Variants in CPS1 observed in about 807,000 individuals in gnomAD.
The protein encoded by CPS1 is carbamoyl-phosphate synthase [ammonia], mitochondrial.
CPS1 carries 109 observed loss-of-function variants against 174.6 expected under a neutral mutation model. The observed-to-expected ratio is 0.62, with a 90% CI of 0.53 to 0.73. CPS1 has a LOEUF of 0.73. CPS1 is among the 30% of genes least tolerant of loss of function. The pLI is 0.00. For missense variants in CPS1, 1,689 were observed against 1,821.9 expected (o/e 0.93, Z 1.33); for synonymous variants, 637 against 632.0 (o/e 1.01, Z -0.12).
intron 1 of CPS1, among the ~76,000 whole-genome samples, chr2:210,487,697 T>C (rs1212572837): frequency 6.9e-6 from 1 of 145,788 alleles, no homozygotes; most frequent in African/African-American, 2.5e-5. Flanking sequence ...TGCTTTTTTT[T>C]TTAAAGCGAA....
intron 18 of CPS1, 108 bp from the exon 19 acceptor site, chr2:210,608,253 C>T (rs1474222112): frequency 5.0e-6 from 5 of 991,558 alleles, no homozygotes; most frequent in Admixed American, 1.9e-5. Flanking sequence ...GTGTCTTATA[C>T]CCTGAAGTAG....
chr2:210,648,485 G>C lies in CPS1; in HGVS notation c.3349G>C (p.Glu1117Gln). The change falls in exon 27 of 38, where the codon GAA becomes CAA. Residue 1117 changes from glutamate to glutamine, a missense_variant. Transcript: ENST00000233072. ...KAVNTLNEALEFAKSVDYPCL... is the reference protein window; with the variant it reads ...KAVNTLNEALQFAKSVDYPCL... Reference sequence around the variant, plus strand: ...TTCTATTAATTAGAATGAAGCACTGGAATTTGCAAAGTCTGTGGACTACCC... The same window carrying C: ...TTCTATTAATTAGAATGAAGCACTGCAATTTGCAAAGTCTGTGGACTACCC... 1.2e-6 allele frequency: 2 copies of C among 1,613,154 alleles called. No homozygotes were observed. The highest frequency in any genetic ancestry group is 1.7e-6 in the Non-Finnish European group (2 of 1,179,390).
chr2:210,486,145 CA>C (rs1559731062), intron 1 of CPS1, among the ~76,000 whole-genome samples: 196 of 129,472 alleles, frequency 1.5e-3, no homozygotes, highest in African/African-American at 5.6e-3. Context: ...CACACACACA[CA>C]CACACACACA....
intron 1 of CPS1, among the ~76,000 whole-genome samples, chr2:210,509,464 C>T (rs952043494): frequency 6.6e-6 from 1 of 152,142 alleles, no homozygotes; most frequent in African/African-American, 2.4e-5. Context: ...CCTTTGAAAA[C>T]TGGCACATGA....
At chr2:210,483,139 C>T (rs2105942483) in intron 1 of CPS1, among the ~76,000 whole-genome samples, 1 of 152,226 alleles carries the variant, frequency 6.6e-6, no homozygotes, top group South Asian at 2.1e-4. Flanking sequence ...TAATAAAGAT[C>T]TATACCTTTA....
Position 210,590,222 on chromosome 2 carries a change from G to A in CPS1, c.828G>A (p.Gln276=). 6.2e-7 allele frequency: 1 copy of A among 1,612,734 alleles called. No homozygotes were observed. The highest frequency in any genetic ancestry group is 8.5e-7 in the Non-Finnish European group (1 of 1,179,050). The change falls in exon 8 of 38, where the codon CAG becomes CAA. Residue 276 remains glutamine (Q), a synonymous_variant. Coordinates refer to ENST00000233072, the MANE Select transcript of CPS1 (RefSeq NM_001875.5). ...CAGCTCTTGCAGAACCACTAATTCA[G>A]AATGTCAGAAAGGTGCAATGAACCT... ...GNPALAEPLI[Q]NVRKILESDR...
intron 1 of CPS1, among the ~76,000 whole-genome samples, chr2:210,492,828 T>C (rs1694905295): frequency 6.6e-6 from 1 of 151,662 alleles, no homozygotes; most frequent in Non-Finnish European, 1.5e-5. Flanking sequence ...AGAAAACATA[T>C]CACATTGAAA....
At chr2:210,528,790 A>G (rs1194557156) in intron 1 of CPS1, among the ~76,000 whole-genome samples, 2 of 149,654 alleles carry the variant, frequency 1.3e-5, no homozygotes, top group African/African-American at 4.9e-5. Context: ...AATAGAGTAC[A>G]GTTAGTACTA....
At chr2:210,661,663 C>T (rs574635005) in intron 32 of CPS1, among the ~76,000 whole-genome samples, 14 of 152,096 alleles carry the variant, frequency 9.2e-5, no homozygotes, top group African/African-American at 3.4e-4. Context: ...GGAGAGGTGG[C>T]ATTTTATTCA....
intron 28 of CPS1, among the ~76,000 whole-genome samples, chr2:210,650,878 C>CT (rs5838213): frequency 0.52 from 79,122 of 151,978 alleles, 21,025 homozygotes; most frequent in East Asian, 0.79. Flanking sequence ...GGAACTTTGC[C>CT]TAGTCAAACA....
chr2:210,609,094 A>G lies in CPS1; in HGVS notation c.2391+535A>G, dbSNP rs1401213740. On this transcript the variant is annotated intron_variant, in intron 19 of 37. Transcript: ENST00000233072. ...TCTAAAATTCTAAATTGATATGAGC[A>G]TAGTAGATTATTAAGCCCTCTTTAA... is the stretch of plus-strand genomic sequence containing the variant. 2.6e-5 allele frequency among the ~76,000 whole-genome samples: 4 copies of G among 152,058 alleles called. No individual in the cohort carries two copies. The South Asian group carries it at 6.2e-4, about 24-fold the overall frequency.
At chr2:210,538,873 A>C (rs1696327639) in intron 1 of CPS1, among the ~76,000 whole-genome samples, 1 of 152,152 alleles carries the variant, frequency 6.6e-6, no homozygotes. Flanking sequence ...TAAGTTTAAG[A>C]TCTTCCTATG....
intron 21 of CPS1, among the ~76,000 whole-genome samples, chr2:210,634,764 T>C (rs1400595436): frequency 1.3e-5 from 2 of 152,176 alleles, no homozygotes; most frequent in African/African-American, 2.4e-5. Context: ...ACAGGTCTGA[T>C]ACAGAGCACG....
intron 1 of CPS1, among the ~76,000 whole-genome samples, chr2:210,551,251 G>A (rs562337047): frequency 7.9e-5 from 12 of 152,006 alleles, no homozygotes; most frequent in African/African-American, 2.9e-4. Flanking sequence ...AACTTTCTAA[G>A]GCATTTCCCA....
At chr2:210,532,336 T>A (rs1010621856) in intron 1 of CPS1, among the ~76,000 whole-genome samples, 2 of 152,192 alleles carry the variant, frequency 1.3e-5, no homozygotes, top group African/African-American at 4.8e-5. Context: ...GCTTGGAATG[T>A]ATTAGATTAA....
chr2:210,582,876 T>G (rs1697973344), intron 6 of CPS1, among the ~76,000 whole-genome samples, 167 bp downstream of exon 6: 1 of 152,106 alleles, frequency 6.6e-6, no homozygotes, highest in Non-Finnish European at 1.5e-5. Flanking sequence ...ATCAGTGCAT[T>G]TAAAGCTGGT....
intron 1 of CPS1, among the ~76,000 whole-genome samples, chr2:210,520,166 T>A (rs1160429772): frequency 6.6e-6 from 1 of 152,050 alleles, no homozygotes; most frequent in Non-Finnish European, 1.5e-5. Context: ...TTTTAGAAAG[T>A]TTATTAATGT....
At chr2:210,568,071 A>G (rs990912904) in intron 1 of CPS1, among the ~76,000 whole-genome samples, 1 of 152,148 alleles carries the variant, frequency 6.6e-6, no homozygotes, top group Non-Finnish European at 1.5e-5. Context: ...TGTTTTCCAG[A>G]TGTAACATTG....
At chr2:210,654,833 C>T (rs140101995) in intron 29 of CPS1, among the ~76,000 whole-genome samples, 167 of 152,242 alleles carry the variant, frequency 1.1e-3, no homozygotes, top group African/African-American at 3.7e-3. Context: ...ATCTTTTTCT[C>T]TTTTTCCTTC....
Sources: allele counts gnomAD v4.1 joint callset (sites outside exome capture counted in the v4.1 genomes callset), GRCh38; gene constraint gnomAD v4.1.1; transcripts MANE v1.5; gene names NCBI Gene and HGNC (gene_info 2026-07-23, HGNC 2026-07-21).